The following TBC1D9 variants were observed in gnomAD, a reference collection of about 807,000 sequenced individuals.
TBC1D9 encodes the protein TBC1 domain family member 9, also known as TBC1 domain family member 9A.
TBC1D9 carries 63 observed loss-of-function variants against 132.0 expected under a neutral mutation model. The ratio of observed to expected loss-of-function variants is 0.48; its 90% CI spans 0.39 to 0.59. TBC1D9 has a LOEUF of 0.59. TBC1D9 is among the 20% of genes least tolerant of loss of function. The pLI is 0.00. For missense variants in TBC1D9, 1,261 were observed against 1,592.7 expected (o/e 0.79, Z 3.54); for synonymous variants, 610 against 609.9 (o/e 1.00, Z 0.00).
intron 6 of TBC1D9, among the ~76,000 whole-genome samples, chr4:140,674,876 T>C (rs2111013857): frequency 6.6e-6 from 1 of 151,958 alleles, no homozygotes; most frequent in South Asian, 2.1e-4. Context: ...TTTTTTTAAA[T>C]TTTTAATTTT....
intron 16 of TBC1D9, among the ~76,000 whole-genome samples, chr4:140,631,327 A>G (rs1024090624): frequency 5.9e-5 from 9 of 151,736 alleles, no homozygotes; most frequent in Non-Finnish European, 1.2e-4. Flanking sequence ...GGTTCAAGCG[A>G]TTCTCCTGCC....
At chr4:140,676,627 T>C (rs1049748465) in intron 6 of TBC1D9, among the ~76,000 whole-genome samples, 2 of 152,142 alleles carry the variant, frequency 1.3e-5, no homozygotes, top group Non-Finnish European at 2.9e-5. Flanking sequence ...CACTCCAGCG[T>C]GGGTGACAGA....
intron 1 of TBC1D9, among the ~76,000 whole-genome samples, chr4:140,703,085 G>A (rs1044345070): frequency 5.9e-5 from 9 of 152,108 alleles, no homozygotes; most frequent in African/African-American, 1.9e-4. Flanking sequence ...TACTTTTATC[G>A]AATTTTACCT....
intron 6 of TBC1D9, among the ~76,000 whole-genome samples, chr4:140,674,114 G>A (rs1737586402): frequency 6.6e-6 from 1 of 152,200 alleles, no homozygotes; most frequent in South Asian, 2.1e-4. Context: ...AGCACATGAT[G>A]AAGAAAATTA....
At chr4:140,658,882 T>TA (rs1222942583) in intron 11 of TBC1D9, among the ~76,000 whole-genome samples, 1 of 152,136 alleles carries the variant, frequency 6.6e-6, no homozygotes, top group Non-Finnish European at 1.5e-5. Context: ...AATTACTTTT[T>TA]AAAAAAACTT....
intron 1 of TBC1D9, among the ~76,000 whole-genome samples, chr4:140,731,377 T>A (rs897970962): frequency 6.6e-6 from 1 of 152,100 alleles, no homozygotes; most frequent in Non-Finnish European, 1.5e-5. Flanking sequence ...ATCCAGAAAT[T>A]GTCTCCTGAC....
intron 10 of TBC1D9, among the ~76,000 whole-genome samples, chr4:140,660,445 T>G (rs1202597571): frequency 6.6e-6 from 1 of 152,248 alleles, no homozygotes; most frequent in Non-Finnish European, 1.5e-5. Context: ...ATCAGGCTTC[T>G]ACAATTCAAT....
Position 140,756,150 on chromosome 4 carries a change from C to A in TBC1D9, c.-105G>T. ...CTGGGCACACGCGCGCCCGCCCGCC[C>A]GTCCGCTAGGTGCGGCGGCGGCGGC... On this transcript the variant is annotated 5_prime_UTR_variant, in exon 1 of 21. Coordinates refer to ENST00000442267, the MANE Select transcript of TBC1D9 (RefSeq NM_015130.3). This position sits in a 1 kb window ranked among gnomAD's most constrained non-coding sequence, Gnocchi z 5.6. 1.1e-6 allele frequency: 1 copy of A among 942,682 alleles called. No homozygotes were observed. Among genetic ancestry groups the A allele is most frequent in the South Asian group, 3.3e-5 (1 of 30,440 alleles). 58.4% of individuals were successfully genotyped at this position (942,682 alleles called of 1,614,324 possible).
chr4:140,744,231 A>C (rs1166814820), intron 1 of TBC1D9, among the ~76,000 whole-genome samples: 3 of 152,098 alleles, frequency 2.0e-5, no homozygotes, highest in Non-Finnish European at 4.4e-5. Context: ...CCAACTCCAC[A>C]CACAGCTATA....
chr4:140,699,446 A>AT (rs1317763186), intron 2 of TBC1D9, among the ~76,000 whole-genome samples: 1 of 152,248 alleles, frequency 6.6e-6, no homozygotes, highest in Non-Finnish European at 1.5e-5. Flanking sequence ...GCCCGCAGTC[A>AT]TAAATCATGT....
chr4:140,707,431 T>C (rs949088090), intron 1 of TBC1D9, among the ~76,000 whole-genome samples: 2 of 152,182 alleles, frequency 1.3e-5, no homozygotes, highest in African/African-American at 2.4e-5. Flanking sequence ...TCTTTATATA[T>C]CTTCTATACA....
chr4:140,681,542 C>A (rs1248594226), intron 3 of TBC1D9, among the ~76,000 whole-genome samples: 1 of 152,116 alleles, frequency 6.6e-6, no homozygotes, highest in African/African-American at 2.4e-5. Context: ...GGTGGGCTTA[C>A]GATGCAAGCA....
chr4:140,670,490 A>C, intron 7 of TBC1D9: 1 of 522,700 alleles, frequency 1.9e-6, no homozygotes, highest in Non-Finnish European at 3.4e-6. Context: ...ATTACTTAAG[A>C]ATTTCTTCAA....
Position 140,670,701 on chromosome 4 carries a change from T to C in TBC1D9, c.1266+19A>G. On this transcript the variant is annotated intron_variant, in intron 7 of 20. Coordinates refer to ENST00000442267, the MANE Select transcript of TBC1D9 (RefSeq NM_015130.3). ...GGAACAGGATAAACCAAAAATACTT[T>C]CAGGTGTCTCCCACAGACCTCATCA... 1.2e-6 allele frequency: 2 copies of C among 1,609,284 alleles called. No individual in the cohort carries two copies. The highest frequency in any genetic ancestry group is 1.1e-5 in the South Asian group (1 of 90,862).
chr4:140,645,543 C>T (rs940808895), intron 13 of TBC1D9: 5 of 307,054 alleles, frequency 1.6e-5, no homozygotes, highest in African/African-American at 4.4e-5. Context: ...TATACATCTC[C>T]GCACTTCCTC....
At chr4:140,661,120 T>C (rs189328370) in intron 10 of TBC1D9, among the ~76,000 whole-genome samples, 47 of 152,284 alleles carry the variant, frequency 3.1e-4, no homozygotes, top group African/African-American at 1.1e-3. Context: ...TTCACCGTGT[T>C]AGCCAGGATG....
At position 140,677,112 on chromosome 4, in the gene TBC1D9, A is replaced by G. The variant is rs748230596; in HGVS notation, c.852-11T>C. 1.2e-6 allele frequency: 2 copies of G among 1,612,998 alleles called. No individual in the cohort carries two copies. The highest frequency in any genetic ancestry group is 4.5e-5 in the East Asian group (2 of 44,886). On this transcript the variant is annotated splice_polypyrimidine_tract_variant and intron_variant, in intron 5 of 20. Coordinates refer to ENST00000442267, the MANE Select transcript of TBC1D9 (RefSeq NM_015130.3). ...CTGGCATCAAGATCACTGGAAAGCAATAATTACAATTCACATAAGAAAAAT... is the reference window on the plus strand; with the variant it reads ...CTGGCATCAAGATCACTGGAAAGCAGTAATTACAATTCACATAAGAAAAAT...
intron 15 of TBC1D9, 140 bp downstream of exon 15, chr4:140,638,946 G>A (rs1736921135): frequency 3.4e-6 from 2 of 594,566 alleles, no homozygotes; most frequent in Non-Finnish European, 5.8e-6. Context: ...TTCATATTAA[G>A]TACTACAGTT....
chr4:140,729,108 T>C (rs964791233), intron 1 of TBC1D9, among the ~76,000 whole-genome samples: 3 of 152,212 alleles, frequency 2.0e-5, no homozygotes, highest in Non-Finnish European at 4.4e-5. Flanking sequence ...GGATTTTCCC[T>C]CTGTCATGCA....
Sources: allele counts gnomAD v4.1 joint callset (sites outside exome capture counted in the v4.1 genomes callset), GRCh38; gene constraint gnomAD v4.1.1; non-coding constraint Gnocchi (gnomAD v3.1); transcripts MANE v1.5; gene names NCBI Gene and HGNC (gene_info 2026-07-23, HGNC 2026-07-21).